ZNF195: variants seen among roughly 807,000 people sequenced by gnomAD.
ZNF195 encodes the protein zinc finger protein 195.
ZNF195 carries 11 observed loss-of-function variants against 19.5 expected under a neutral mutation model. The ratio of observed to expected loss-of-function variants is 0.57; its 90% CI spans 0.36 to 0.94. ZNF195 has a LOEUF of 0.94. Among genes scored for constraint, ZNF195 ranks in the 40% least tolerant of loss-of-function variants. ZNF195 has a pLI of 0.01. For synonymous variants in ZNF195, 214 were observed against 248.1 expected, an observed-to-expected ratio of 0.86 and a Z score of 1.29; for missense variants, 582 against 709.0, an observed-to-expected ratio of 0.82 and a Z score of 2.03.
At chr11:3,369,354 T>C (rs1849066093) in intron 3 of ZNF195, 1 of 251,998 alleles carries the variant, frequency 4.0e-6, no homozygotes, top group South Asian at 3.8e-5. Context: ...AAGATAAACC[T>C]ACCCTGCAAC....
chr11:3,359,414 TA>T lies in ZNF195; in HGVS notation c.1593del (p.Phe531LeufsTer91). On this transcript the variant is annotated frameshift_variant, in exon 6 of 6. Transcript: ENST00000399602. LOFTEE classifies it low-confidence loss of function (END_TRUNC). This position sits in a 1 kb window ranked among gnomAD's most constrained non-coding sequence, Gnocchi z 5.5. ...PYKCDECGKN[F>X]TQSSNLIVHK... Reference sequence around the variant, plus strand: ...TGTACAATAAGGTTGGAGGACTGGGTAAAGTTTTTTCCACATTCGTCACATT... The same window carrying T: ...TGTACAATAAGGTTGGAGGACTGGGTAAGTTTTTTCCACATTCGTCACATT... The T allele has an allele frequency of 6.2e-7, 1 of 1,614,224 alleles. No individual in the cohort carries two copies. Among genetic ancestry groups the T allele is most frequent in the Non-Finnish European group, 8.5e-7 (1 of 1,180,032 alleles).
chr11:3,372,865 G>A (rs1323209623), intron 1 of ZNF195, among the ~76,000 whole-genome samples: 1 of 152,208 alleles, frequency 6.6e-6, no homozygotes. Flanking sequence ...CGGAGTAGAT[G>A]GAACTACCCA....
In ZNF195 at chr11:3,360,496, A is replaced by G. The variant is rs747629430; in HGVS notation, c.512T>C (p.Ile171Thr). 1.2e-6 allele frequency: 2 copies of G among 1,607,346 alleles called. No individual in the cohort carries two copies. The highest frequency in any genetic ancestry group is 1.7e-6 in the Non-Finnish European group (2 of 1,179,154). The change falls in exon 6 of 6, where the codon ATA (isoleucine) becomes ACA (threonine). Residue 171 changes from isoleucine (I) to threonine (T), a missense_variant. By Grantham distance (89) the Ile-to-Thr change is moderately conservative. Transcript: ENST00000399602. ...GCCACAATTTCCATATCCTCTCAGT[A>G]TTCTTTTTGGGAATGCATCTTGTAT... is the stretch of plus-strand genomic sequence containing the variant. ...QGIQDAFPKR[I>T]LRGYGNCGLD...
At position 3,361,216 on chromosome 11, in the gene ZNF195, T is replaced by C. The variant is rs115028292; in HGVS notation, c.374-428A>G. On this transcript the variant is annotated intron_variant, in intron 4 of 5. Transcript: ENST00000399602. ...CATCCCAGAACAGGCTTAAGAGGCCTCTAGAATCTGGGCCTATTTGTTTTA... is the reference window on the plus strand; with the variant it reads ...CATCCCAGAACAGGCTTAAGAGGCCCCTAGAATCTGGGCCTATTTGTTTTA... Among the ~76,000 whole-genome samples the C allele has an allele frequency of 3.8e-3, 573 of 152,264 alleles. 3 individuals are homozygous for C. Among genetic ancestry groups the C allele is most frequent in the African/African-American group, 0.013 (553 of 41,544 alleles).
In ZNF195 at chr11:3,359,964, A is replaced by G; in HGVS notation, c.1044T>C (p.Gly348=). ...CATATTTGCAGGGTTTTTCCTCAGT[A>G]CCATGCTCATGTTCAGTAAGGTGGG... ...QCSHLTEHEH[G]TEEKPCKYEE... The change falls in exon 6 of 6, where the codon GGT becomes GGC. Residue 348 remains glycine, a synonymous_variant. Coordinates refer to ENST00000399602, the MANE Select transcript of ZNF195 (RefSeq NM_001130520.3). The surrounding 1 kb of genome is among the most constrained non-coding windows in gnomAD (Gnocchi z 5.5). The G allele has an allele frequency of 6.2e-7, 1 of 1,614,188 alleles. No individual in the cohort carries two copies. Among genetic ancestry groups the G allele is most frequent in the Non-Finnish European group, 8.5e-7 (1 of 1,180,044 alleles).
intron 1 of ZNF195, among the ~76,000 whole-genome samples, chr11:3,378,266 C>T (rs1292863632): frequency 1.3e-5 from 2 of 151,940 alleles, no homozygotes; most frequent in African/African-American, 2.4e-5. Context: ...GCCGAGATCG[C>T]GCCACTGCAC....
intron 1 of ZNF195, chr11:3,373,632 G>T: frequency 6.5e-7 from 1 of 1,549,416 alleles, no homozygotes. Flanking sequence ...TTCCTCTTAG[G>T]AAAGATTCTC....
At chr11:3,379,011 C>T (rs752887535) in intron 1 of ZNF195, 27 bp downstream of exon 1, 8 of 1,414,714 alleles carry the variant, frequency 5.7e-6, no homozygotes, top group African/African-American at 1.5e-5. Context: ...CTCCCTGTCT[C>T]TCAGGAGGCC....
chr11:3,370,841 A>C, intron 3 of ZNF195, 134 bp downstream of exon 3: 1 of 794,104 alleles, frequency 1.3e-6, no homozygotes, highest in Non-Finnish European at 2.1e-6. Context: ...GGGTACAGCA[A>C]GAGAAAGACA....
At position 3,358,321 on chromosome 11, in the gene ZNF195, G is replaced by A. The variant is rs1848475809; in HGVS notation, c.*797C>T. 6.6e-6 allele frequency: 1 copy of A among 152,158 alleles called. No individual in the cohort carries two copies. Among genetic ancestry groups the A allele is most frequent in the Admixed American group, 6.5e-5 (1 of 15,278 alleles). 9.4% of individuals were successfully genotyped at this position (152,158 alleles called of 1,614,324 possible). ...CGGTCTGATCAGGGTGACCCTAACA[G>A]AAGAGTATTATTCTAAACACCTATC... On this transcript the variant is annotated 3_prime_UTR_variant, in exon 6 of 6. Transcript: ENST00000399602.
intron 2 of ZNF195, 54 bp from the exon 3 acceptor site, chr11:3,371,124 A>C: frequency 1.3e-6 from 2 of 1,549,546 alleles, no homozygotes; most frequent in Non-Finnish European, 1.8e-6. Flanking sequence ...CCAATTATCA[A>C]CCTTGTACTG....
intron 4 of ZNF195, 94 bp from the exon 5 acceptor site, chr11:3,360,882 C>T: frequency 9.3e-7 from 1 of 1,069,540 alleles, no homozygotes; most frequent in Non-Finnish European, 1.3e-6. Flanking sequence ...TAAGAGTACA[C>T]CCTCAGCTCT....
In ZNF195 at chr11:3,376,729, T is replaced by G. The variant is rs553249015; in HGVS notation, c.3+2309A>C. On this transcript the variant is annotated intron_variant, in intron 1 of 5. Transcript: ENST00000399602. ...TTAACTATTTCCATAACAAATCATA[T>G]AGTAAACAATCACATGTGAACACTT... Among the ~76,000 whole-genome samples, 42 of 152,332 alleles carry G rather than the reference T, an allele frequency of 2.8e-4. No homozygotes were observed. The South Asian group carries it at 7.9e-3, about 29-fold the overall frequency.
Position 3,379,115 on chromosome 11 carries a change from GC to G in ZNF195, c.-76del. Reference sequence around the variant, plus strand: ...CTGCGGGTCACACGACCTACGGCTAGCAGGGGACACAGAGCCGCGGGGACAG... The same window carrying G: ...CTGCGGGTCACACGACCTACGGCTAGAGGGGACACAGAGCCGCGGGGACAG... On this transcript the variant is annotated 5_prime_UTR_variant, in exon 1 of 6. Coordinates refer to ENST00000399602, the MANE Select transcript of ZNF195 (RefSeq NM_001130520.3). 1.4e-6 allele frequency: 2 copies of G among 1,431,042 alleles called. No homozygotes were observed. Among genetic ancestry groups the G allele is most frequent in the South Asian group, 1.5e-5 (1 of 65,658 alleles). The allele number at this position is 1,431,042 out of a possible 1,614,324, so 88.6% of individuals were successfully genotyped here.
intron 1 of ZNF195, among the ~76,000 whole-genome samples, chr11:3,378,830 CG>C (rs1357475982): frequency 1.3e-5 from 2 of 152,172 alleles, no homozygotes; most frequent in Non-Finnish European, 2.9e-5. Flanking sequence ...GAAGAGCTGC[CG>C]GGGGGACATG....
intron 3 of ZNF195, among the ~76,000 whole-genome samples, chr11:3,365,808 T>C (rs534719943): frequency 6.6e-6 from 1 of 152,330 alleles, no homozygotes; most frequent in South Asian, 2.1e-4. Context: ...TAAACCCTTG[T>C]GGATAAAATC....
chr11:3,364,861 A>C (rs966771548), intron 3 of ZNF195, among the ~76,000 whole-genome samples: 1 of 152,218 alleles, frequency 6.6e-6, no homozygotes. Flanking sequence ...CTACTTATTG[A>C]ACAGAAATAA....
chr11:3,368,708 A>G, intron 3 of ZNF195: 1 of 355,828 alleles, frequency 2.8e-6, no homozygotes, highest in Non-Finnish European at 5.7e-6. Context: ...ACAGGATGGT[A>G]TGCGAACAGA....
At chr11:3,369,662 C>G (rs1849086245) in intron 3 of ZNF195, among the ~76,000 whole-genome samples, 1 of 152,206 alleles carries the variant, frequency 6.6e-6, no homozygotes, top group Non-Finnish European at 1.5e-5. Flanking sequence ...CACGTTCCCC[C>G]TCAGACGTGG....
Sources: allele counts gnomAD v4.1 joint callset (sites outside exome capture counted in the v4.1 genomes callset), GRCh38; gene constraint gnomAD v4.1.1; non-coding constraint Gnocchi (gnomAD v3.1); transcripts MANE v1.5; gene names NCBI Gene and HGNC (gene_info 2026-07-23, HGNC 2026-07-21).